CDC42SE2: variants seen among roughly 807,000 people sequenced by gnomAD.
The protein encoded by CDC42SE2 is CDC42 small effector protein 2.
In CDC42SE2, 3 loss-of-function variants were observed where a neutral mutation model predicts 11.5. The observed-to-expected ratio is 0.26, with a 90% CI of 0.12 to 0.67. The LOEUF (loss-of-function observed/expected upper bound fraction) is 0.67. Ranked by LOEUF, CDC42SE2 falls within the 30% of genes least tolerant of loss-of-function variation. CDC42SE2 has a pLI of 0.80. For synonymous variants in CDC42SE2, 33 were observed against 34.8 expected, an observed-to-expected ratio of 0.95 and a Z score of 0.18; for missense variants, 82 against 106.8, an observed-to-expected ratio of 0.77 and a Z score of 1.02.
At chr5:131,304,482 C>T (rs1580742112) in intron 1 of CDC42SE2, among the ~76,000 whole-genome samples, 1 of 152,082 alleles carries the variant, frequency 6.6e-6, no homozygotes, top group African/African-American at 2.4e-5. Flanking sequence ...ATATGAAGTC[C>T]ATTTTAGTAA....
chr5:131,333,885 G>C (rs545289053), intron 2 of CDC42SE2, among the ~76,000 whole-genome samples: 5 of 152,282 alleles, frequency 3.3e-5, no homozygotes, highest in Admixed American at 6.5e-5. Context: ...GGGTTTTCTA[G>C]ATATACAATC....
chr5:131,331,682 A>G (rs1356945976), intron 2 of CDC42SE2, among the ~76,000 whole-genome samples: 1 of 152,230 alleles, frequency 6.6e-6, no homozygotes, highest in African/African-American at 2.4e-5. Flanking sequence ...AAAAGAACAG[A>G]GAATCCAAGA....
upstream of CDC42SE2, among the ~76,000 whole-genome samples, chr5:131,243,982 G>A (rs1756559829): frequency 6.6e-6 from 1 of 152,190 alleles, no homozygotes; most frequent in Admixed American, 6.5e-5. Flanking sequence ...TGAAGATCCT[G>A]AAGTTGAAAG....
At chr5:131,306,903 G>C (rs1757789879) in intron 1 of CDC42SE2, among the ~76,000 whole-genome samples, 1 of 151,900 alleles carries the variant, frequency 6.6e-6, no homozygotes. Flanking sequence ...TTAGTTGTTA[G>C]TGTAAAGAAA....
At chr5:131,328,670 T>C (rs1758346919) in intron 2 of CDC42SE2, among the ~76,000 whole-genome samples, 2 of 152,328 alleles carry the variant, frequency 1.3e-5, no homozygotes, top group Middle Eastern at 3.4e-3. Context: ...ATGGCATAAG[T>C]TGTTTAGTGA....
At chr5:131,228,123 C>A in the CDC42SE2 span, among the ~76,000 whole-genome samples, 1 of 152,164 alleles carries the variant, frequency 6.6e-6, no homozygotes, top group Non-Finnish European at 1.5e-5. Flanking sequence ...ATGAGAATCG[C>A]TTGAACCTGG....
intron 2 of CDC42SE2, among the ~76,000 whole-genome samples, chr5:131,338,183 A>G (rs766301006): frequency 7.2e-5 from 11 of 152,240 alleles, no homozygotes; most frequent in East Asian, 1.9e-4. Context: ...TTTGTAAAAG[A>G]CAACCACAGT....
At chr5:131,336,752 G>T (rs968667970) in intron 2 of CDC42SE2, among the ~76,000 whole-genome samples, 3 of 152,042 alleles carry the variant, frequency 2.0e-5, no homozygotes, top group Non-Finnish European at 4.4e-5. Flanking sequence ...CTTTCTTCCA[G>T]TTGATCGCAT....
upstream of CDC42SE2, among the ~76,000 whole-genome samples, chr5:131,242,333 G>A (rs985689897): frequency 6.6e-6 from 1 of 152,088 alleles, no homozygotes; most frequent in African/African-American, 2.4e-5. Flanking sequence ...TTGAACAAAA[G>A]CGAGTCCTTT....
intron 3 of CDC42SE2, among the ~76,000 whole-genome samples, chr5:131,376,727 T>C (rs1750166908): frequency 6.6e-6 from 1 of 152,126 alleles, no homozygotes; most frequent in Admixed American, 6.6e-5. Context: ...TAGCTCCCAC[T>C]TACAAGTGAG....
chr5:131,307,429 G>A (rs1757802962), intron 1 of CDC42SE2, among the ~76,000 whole-genome samples: 1 of 151,988 alleles, frequency 6.6e-6, no homozygotes, highest in African/African-American at 2.4e-5. Flanking sequence ...GTATTCCGTG[G>A]TGTATATGTG....
intron 1 of CDC42SE2, among the ~76,000 whole-genome samples, chr5:131,298,411 C>T (rs879294627): frequency 1.1e-4 from 17 of 151,764 alleles, no homozygotes; most frequent in East Asian, 1.9e-4. Context: ...CATGAGCCAC[C>T]GCGCCCGGCA....
At chr5:131,281,755 T>C (rs1757241888) in intron 1 of CDC42SE2, among the ~76,000 whole-genome samples, 1 of 152,196 alleles carries the variant, frequency 6.6e-6, no homozygotes, top group Non-Finnish European at 1.5e-5. Flanking sequence ...AGAAAGAATA[T>C]GGACTTTGAA....
chr5:131,365,840 G>C (rs1749838293), intron 3 of CDC42SE2, among the ~76,000 whole-genome samples: 1 of 152,126 alleles, frequency 6.6e-6, no homozygotes, highest in Admixed American at 6.5e-5. Flanking sequence ...AAATTAGCCG[G>C]GTGTGGTGGC....
At chr5:131,299,973 A>G (rs1214000080) in intron 1 of CDC42SE2, among the ~76,000 whole-genome samples, 1 of 152,174 alleles carries the variant, frequency 6.6e-6, no homozygotes, top group Non-Finnish European at 1.5e-5. Flanking sequence ...AAGTTCTCAA[A>G]TGGTCTATCC....
intron 3 of CDC42SE2, among the ~76,000 whole-genome samples, chr5:131,379,557 C>T (rs571978708): frequency 1.3e-5 from 2 of 152,206 alleles, no homozygotes; most frequent in South Asian, 2.1e-4. Context: ...ACCTGCTTCT[C>T]GCCTCCTTGG....
At chr5:131,260,849 A>G (rs533401260), upstream of CDC42SE2, among the ~76,000 whole-genome samples, 19 of 152,278 alleles carry the variant, frequency 1.2e-4, no homozygotes, top group Admixed American at 4.6e-4. Context: ...CAGGAGAATC[A>G]TTTGAACCTG....
At chr5:131,348,523 T>C (rs1439592534) in intron 2 of CDC42SE2, among the ~76,000 whole-genome samples, 1 of 152,178 alleles carries the variant, frequency 6.6e-6, no homozygotes, top group Non-Finnish European at 1.5e-5. Context: ...CATTCCATGC[T>C]CATGGATAGG....
chr5:131,343,440 C>G (rs185692348), intron 2 of CDC42SE2, among the ~76,000 whole-genome samples: 13 of 152,106 alleles, frequency 8.5e-5, no homozygotes, highest in African/African-American at 3.1e-4. Context: ...GGCCCAGGCA[C>G]GGTGGCTCAT....
Sources: allele counts gnomAD v4.1 joint callset (sites outside exome capture counted in the v4.1 genomes callset), GRCh38; gene constraint gnomAD v4.1.1; transcripts MANE v1.5; gene names NCBI Gene and HGNC (gene_info 2026-07-23, HGNC 2026-07-21).